RGS12: variants seen among roughly 807,000 people sequenced by gnomAD.
RGS12 encodes the protein regulator of G protein signaling 12.
RGS12 carries 66 observed loss-of-function variants against 120.1 expected under a neutral mutation model. That is an observed-to-expected ratio of 0.55 (90% CI 0.45 to 0.67). RGS12 has a LOEUF of 0.67. RGS12 is among the 30% of genes least tolerant of loss of function. The pLI is 0.00. For missense variants in RGS12, 1,859 were observed against 1,957.7 expected, an observed-to-expected ratio of 0.95 and a Z score of 0.95; for synonymous variants, 827 against 804.7, an observed-to-expected ratio of 1.03 and a Z score of -0.47.
chr4:3,366,606 C>T lies in RGS12; in HGVS notation c.1999-19810C>T, dbSNP rs1265586517. 6.6e-6 allele frequency among the ~76,000 whole-genome samples: 1 copy of T among 152,216 alleles called. No homozygotes were observed. Among genetic ancestry groups the T allele is most frequent in the African/African-American group, 2.4e-5 (1 of 41,460 alleles). On this transcript the variant is annotated intron_variant, in intron 3 of 17. Transcript: ENST00000336727. This position sits in a 1 kb window ranked among gnomAD's most constrained non-coding sequence, Gnocchi z 4.0. Reference sequence around the variant, plus strand: ...TCCCGGTTCCTGGGTGTTCCGCGCCCGTCTCCTTTCTGCTGTTGAGAAACC... The same window carrying T: ...TCCCGGTTCCTGGGTGTTCCGCGCCTGTCTCCTTTCTGCTGTTGAGAAACC...
rs769613758 is a variant in RGS12, at chr4:3,417,000, C to T, written c.2515C>T (p.Arg839Cys). Residue 839 changes from arginine (R) to cysteine (C), a missense_variant, in exon 8 of 18, where the codon CGT becomes TGT. Transcript: ENST00000336727. ...ATGCATCCTGGCGGAAGTGGAGGGC[C>T]GTGCACTCCCGGACTCGCAGCAGGT... ...QECILAEVEG[R>C]ALPDSQQVPS... 11 of 1,613,382 alleles carry T rather than the reference C, an allele frequency of 6.8e-6. No homozygotes were observed. The highest frequency in any genetic ancestry group is 1.7e-4 in the Middle Eastern group (1 of 6,056).
rs1724755968 is a variant in RGS12 at position 3,316,413 on chromosome 4, G to T, written c.243G>T (p.Val81=). 2 of 1,614,026 alleles carry T rather than the reference G, an allele frequency of 1.2e-6. No homozygotes were observed. ...AAAAAGCATCTCATGAAGATGTAGT[G>T]AAATTAATTGGGAAGTGCTCTGGTG... is the stretch of plus-strand genomic sequence containing the variant. ...NVKKASHEDV[V]KLIGKCSGVL... The change falls in exon 2 of 18, where the codon GTG becomes GTT. Residue 81 remains valine (V), a synonymous_variant. Coordinates refer to ENST00000336727, the MANE Select transcript of RGS12 (RefSeq NM_001394154.1).
rs117957648 is a variant in RGS12, at chr4:3,415,086, T to C, written c.2283+242T>C. 1.4e-3 allele frequency among the ~76,000 whole-genome samples: 147 copies of C among 101,992 alleles called. 3 individuals carry two copies. In the East Asian group the frequency reaches 0.038, roughly 26 times the overall value. 66.9% of individuals were successfully genotyped at this position (101,992 alleles called of 152,430 possible). A position where few individuals can be genotyped will look rare whatever the true frequency, so the allele number is the denominator to read the frequency against. ...TGAGGGGCGTGTGAGGTCGCGTGTG[T>C]GAGGGGCGTGTGAGAGGTCGCGTGT... On this transcript the variant is annotated intron_variant, in intron 6 of 17. Coordinates refer to ENST00000336727, the MANE Select transcript of RGS12 (RefSeq NM_001394154.1).
In RGS12 at chr4:3,437,494, C is replaced by T. The variant is rs1488853975; in HGVS notation, c.4115-1961C>T. On this transcript the variant is annotated intron_variant, in intron 17 of 17. Coordinates refer to ENST00000336727, the MANE Select transcript of RGS12 (RefSeq NM_001394154.1). ...CGAGAGGGGGCAAACCCCTGCCTCT[C>T]CCCACACGATATCTCCCAGCCCTGC... Among the ~76,000 whole-genome samples the T allele has an allele frequency of 2.0e-5, 3 of 152,190 alleles. No homozygotes were observed. The East Asian group carries it at 5.8e-4, about 29-fold the overall frequency.
intron 1 of RGS12, among the ~76,000 whole-genome samples, chr4:3,309,130 T>A (rs370356614): frequency 5.3e-5 from 2 of 37,974 alleles, no homozygotes; most frequent in African/African-American, 2.3e-4. Flanking sequence ...GAGCTGGGAC[T>A]CGGGAATGGC....
chr4:3,367,423 G>A (rs1219906853), intron 3 of RGS12, among the ~76,000 whole-genome samples: 3 of 152,268 alleles, frequency 2.0e-5, no homozygotes, highest in Non-Finnish European at 2.9e-5. Flanking sequence ...TGCCCAGACT[G>A]GCCATGCATG....
At chr4:3,328,326 A>G (rs1439207176) in intron 2 of RGS12, among the ~76,000 whole-genome samples, 3 of 152,228 alleles carry the variant, frequency 2.0e-5, no homozygotes, top group African/African-American at 2.4e-5. Flanking sequence ...GACTGCACAG[A>G]CTTCAGCACT....
chr4:3,421,050 G>T (rs192274313), intron 10 of RGS12, among the ~76,000 whole-genome samples: 32 of 152,336 alleles, frequency 2.1e-4, no homozygotes, highest in South Asian at 8.3e-4. Flanking sequence ...CTCCCACTAA[G>T]AATCAACAGA....
intron 10 of RGS12, 91 bp from the exon 11 acceptor site, chr4:3,422,285 T>C: frequency 7.5e-7 from 1 of 1,334,532 alleles, no homozygotes; most frequent in Non-Finnish European, 1.0e-6. Context: ...CCCCAGCACG[T>C]GCGGCCTGGG....
At chr4:3,421,199 C>T (rs934223297) in intron 10 of RGS12, among the ~76,000 whole-genome samples, 4 of 152,152 alleles carry the variant, frequency 2.6e-5, no homozygotes, top group Non-Finnish European at 5.9e-5. Context: ...GGCTGGTGCT[C>T]GTCCTGGCCC....
chr4:3,403,883 G>A (rs971752466), intron 4 of RGS12, among the ~76,000 whole-genome samples: 2 of 152,208 alleles, frequency 1.3e-5, no homozygotes, highest in African/African-American at 2.4e-5. Flanking sequence ...AGACCCAAAG[G>A]GGGCTATTGA....
chr4:3,410,735 T>C (rs945847393), intron 4 of RGS12, among the ~76,000 whole-genome samples: 2 of 152,238 alleles, frequency 1.3e-5, no homozygotes, highest in African/African-American at 4.8e-5. Context: ...ACAAACAGCC[T>C]GAGGCTTAGG....
At position 3,439,452 on chromosome 4, in the gene RGS12, C is replaced by T. The variant is rs1336775660; in HGVS notation, c.4115-3C>T. On this transcript the variant is annotated splice_region_variant and splice_polypyrimidine_tract_variant and intron_variant, in intron 17 of 17. Transcript: ENST00000336727. ...GTGACAGCTTCTCTTCTCCTTGTGA[C>T]AGGAAGTGGGACCCATGGCAGCCGA... 3 of 1,612,634 alleles carry T rather than the reference C, an allele frequency of 1.9e-6. No homozygotes were observed. Among genetic ancestry groups the T allele is most frequent in the Non-Finnish European group, 2.5e-6 (3 of 1,179,870 alleles).
chr4:3,335,753 C>T (rs1712390080), intron 2 of RGS12, among the ~76,000 whole-genome samples: 1 of 152,124 alleles, frequency 6.6e-6, no homozygotes, highest in African/African-American at 2.4e-5. Flanking sequence ...TACCCCTGCG[C>T]TCCAGCCTGG....
chr4:3,342,315 G>C (rs1173945646), intron 2 of RGS12: 3 of 866,644 alleles, frequency 3.5e-6, no homozygotes, highest in East Asian at 9.1e-5. Flanking sequence ...CTCATCTGGG[G>C]AAGTGTCTAG....
intron 3 of RGS12, among the ~76,000 whole-genome samples, chr4:3,363,141 G>A (rs1715897068): frequency 6.6e-6 from 1 of 151,822 alleles, no homozygotes; most frequent in South Asian, 2.1e-4. Context: ...GTGTGGGGGT[G>A]TGTGTGCGCG....
In RGS12 at chr4:3,310,378, C is replaced by T. The variant is rs147770920; in HGVS notation, c.-101-5692C>T. 3.9e-5 allele frequency among the ~76,000 whole-genome samples: 6 copies of T among 152,302 alleles called. No homozygotes were observed. In the East Asian group the frequency reaches 1.2e-3, roughly 29 times the overall value. ...GGAAGGCCAAGGCAAGGGCTGTCTC[C>T]AGTCCACGCTGCACCCCAAGAAGGG... On this transcript the variant is annotated intron_variant, in intron 1 of 17. Transcript: ENST00000336727.
chr4:3,375,727 C>CCCTCATCTCCAGCCCTCATCTCCAG (rs1374711539), intron 3 of RGS12, among the ~76,000 whole-genome samples: 14 of 124,482 alleles, frequency 1.1e-4, no homozygotes, highest in African/African-American at 3.5e-4. Flanking sequence ...TCATCTCCAG[C>CCCTCATCTCCAGCCCTCATCTCCAG]CCTCATCTCC....
At chr4:3,380,110 C>G (rs1444694920) in intron 3 of RGS12, among the ~76,000 whole-genome samples, 2 of 152,202 alleles carry the variant, frequency 1.3e-5, no homozygotes, top group Non-Finnish European at 2.9e-5. Context: ...GGTCTATATC[C>G]CCATTCCAAA....
Sources: gnomAD v4.1 joint callset for allele counts (sites outside exome capture counted in the v4.1 genomes callset) on GRCh38, gnomAD v4.1.1 for gene constraint, Gnocchi (gnomAD v3.1) non-coding constraint, MANE v1.5 for transcripts, NCBI Gene and HGNC (gene_info 2026-07-23, HGNC 2026-07-21) for gene names.